Variants in HSPG2 observed in about 807,000 individuals in gnomAD.
The protein encoded by HSPG2 is basement membrane-specific heparan sulfate proteoglycan core protein.
Under a neutral mutation model 526.6 loss-of-function variants are expected in HSPG2, and 278 were observed. The observed-to-expected ratio is 0.53, with a 90% CI of 0.48 to 0.58. The LOEUF is 0.58. Among genes scored for constraint, HSPG2 ranks in the 20% least tolerant of loss-of-function variants. The probability of loss-of-function intolerance (pLI) is 0.00; values close to 1 mark genes in which losing one functional copy is unlikely to be tolerated. For missense variants in HSPG2, 5,354 were observed against 6,099.5 expected (o/e 0.88, Z 4.07); for synonymous variants, 2,465 against 2,555.4 (o/e 0.96, Z 1.07).
At chr1:21,934,846 C>G (rs6672273) in intron 1 of HSPG2, among the ~76,000 whole-genome samples, 72,708 of 151,734 alleles carry the variant, frequency 0.48, 19,916 homozygotes, top group Middle Eastern at 0.69. Flanking sequence ...CCGCTCGCCT[C>G]GGCCTCCCAA....
intron 1 of HSPG2, among the ~76,000 whole-genome samples, chr1:21,911,176 A>G (rs1643651505): frequency 6.6e-6 from 1 of 152,354 alleles, no homozygotes; most frequent in Admixed American, 6.5e-5. Context: ...TGGTAGGATC[A>G]AAGGAACCAA....
Position 21,831,270 on chromosome 1 carries a change from T to C in HSPG2, c.11507A>G (p.Asn3836Ser). The C allele has an allele frequency of 1.9e-6, 3 of 1,613,630 alleles. No homozygotes were observed. The African/African-American group carries it at 4.0e-5, about 22-fold the overall frequency. The change falls in exon 84 of 97, where the codon AAC becomes AGC. Residue 3836 changes from asparagine to serine, a missense_variant. Coordinates refer to ENST00000374695, the MANE Select transcript of HSPG2 (RefSeq NM_005529.7). Reference protein sequence around the residue: ...QGEEIVFHDLNLTAHGISHCP... With the variant: ...QGEEIVFHDLSLTAHGISHCP... The stretch of plus-strand genomic sequence containing the variant: ...GTGGGAGATGCCGTGCGCCGTGAGG[T>C]TGAGGTCATGGAAGACGATCTCCTC...
At chr1:21,861,418 C>A (rs185358741) in intron 39 of HSPG2, among the ~76,000 whole-genome samples, 155 of 151,508 alleles carry the variant, frequency 1.0e-3, no homozygotes, top group African/African-American at 3.6e-3. Context: ...AGCACTGAGG[C>A]AGGAGGACTG....
intron 1 of HSPG2, among the ~76,000 whole-genome samples, chr1:21,928,754 AT>A (rs34997831): frequency 2.2e-4 from 30 of 136,378 alleles, no homozygotes; most frequent in South Asian, 6.9e-4. Context: ...TATTCACTTG[AT>A]TTTTTTTTTT....
intron 65 of HSPG2, 65 bp downstream of exon 65, chr1:21,844,083 C>T (rs961734005): frequency 3.8e-5 from 61 of 1,592,840 alleles, no homozygotes; most frequent in African/African-American, 5.4e-5. Flanking sequence ...TTCCCTTCAA[C>T]GCTGGATTCA....
Position 21,851,819 on chromosome 1 carries a change from A to G in HSPG2, c.6978T>C (p.Thr2326=). The G allele has an allele frequency of 6.2e-7, 1 of 1,613,766 alleles. No individual in the cohort carries two copies. Among genetic ancestry groups the G allele is most frequent in the Non-Finnish European group, 8.5e-7 (1 of 1,180,010 alleles). ...GMEASITVTV[T]GTQGANLAYP... ...AGGCTAAGTTGGCCCCCTGGGTCCC[A>G]GTTACTGTGACCGTGATGGAGGCCT... is the stretch of plus-strand genomic sequence containing the variant. Residue 2326 remains threonine (T), a synonymous_variant, in exon 54 of 97, where the codon ACT becomes ACC. Transcript: ENST00000374695.
Position 21,887,542 on chromosome 1 carries a change from G to C in HSPG2, c.836C>G (p.Ser279Cys), listed in dbSNP as rs543074067. The change falls in exon 8 of 97, where the codon TCC becomes TGC. Residue 279 changes from serine (S) to cysteine (C), a missense_variant. Coordinates refer to ENST00000374695, the MANE Select transcript of HSPG2 (RefSeq NM_005529.7). The surrounding 1 kb of genome is among the most constrained non-coding windows in gnomAD (Gnocchi z 5.0). ...GGGCCCACAGGGCAGGGGCCTGACGGAACCGGGAAGCAGGGGCTGAGGAGC... is the reference window on the plus strand; with the variant it reads ...GGGCCCACAGGGCAGGGGCCTGACGCAACCGGGAAGCAGGGGCTGAGGAGC... ...THAPQPLLPG[S>C]VRPLPCGPQE... The C allele has an allele frequency of 1.4e-4, 218 of 1,614,142 alleles. 2 individuals are homozygous for C. In the South Asian group the frequency reaches 2.3e-3, roughly 17 times the overall value.
Position 21,864,201 on chromosome 1 carries a change from C to G in HSPG2, c.4639G>C (p.Gly1547Arg), listed in dbSNP as rs371145826. The change falls in exon 37 of 97, where the codon GGC (glycine) becomes CGC (arginine). Residue 1547 changes from glycine (G) to arginine (R), a missense_variant. Transcript: ENST00000374695. This position sits in a 1 kb window ranked among gnomAD's most constrained non-coding sequence, Gnocchi z 4.8. ...IGLSCQDCAP[G>R]YTRTGSGLYL... ...AGCCCACTCCCGGTGCGCGTGTAGC[C>G]GGGGGCACAGTCCTAGGGGCAGAGA... The G allele has an allele frequency of 1.7e-5, 26 of 1,551,952 alleles. No individual in the cohort carries two copies. Among genetic ancestry groups the G allele is most frequent in the Non-Finnish European group, 2.2e-5 (25 of 1,147,638 alleles).
Position 21,829,473 on chromosome 1 carries a change from A to G in HSPG2, c.11902T>C (p.Phe3968Leu), listed in dbSNP as rs767364880. The G allele has an allele frequency of 6.2e-7, 1 of 1,613,374 alleles. No homozygotes were observed. The highest frequency in any genetic ancestry group is 8.5e-7 in the Non-Finnish European group (1 of 1,179,856). ...ACAGGCCCGCTCTTCCCCCCGCTGA[A>G]CAGCAGGACCCCGTCAGGGGCGAGT... is the stretch of plus-strand genomic sequence containing the variant. ...KPLAPDGVLL[F>L]SGGKSGPVED... Residue 3968 changes from phenylalanine to leucine, a missense_variant, in exon 87 of 97, where the codon TTC becomes CTC. Phe to Leu is a conservative substitution (Grantham distance 22). Transcript: ENST00000374695.
In HSPG2 at chr1:21,824,672, A is replaced by G. The variant is rs376811049; in HGVS notation, c.12665+32T>C. 9.5e-5 allele frequency: 153 copies of G among 1,612,814 alleles called. No individual in the cohort carries two copies. Among genetic ancestry groups the G allele is most frequent in the Non-Finnish European group, 1.3e-4 (149 of 1,179,248 alleles). ...GTCCCAGATTCCCATCCTCCCCATT[A>G]GGCCCATGGGCCCTTCCAATGCCAG... On this transcript the variant is annotated intron_variant, in intron 92 of 96. Transcript: ENST00000374695. The surrounding 1 kb of genome is among the most constrained non-coding windows in gnomAD (Gnocchi z 5.9).
At chr1:21,933,232 A>AT (rs1175780928) in intron 1 of HSPG2, among the ~76,000 whole-genome samples, 1 of 151,734 alleles carries the variant, frequency 6.6e-6, no homozygotes, top group African/African-American at 2.4e-5. Flanking sequence ...AAAAAAAAAA[A>AT]AGAAAAGAAA....
chr1:21,869,410 T>C (rs1640479651), intron 33 of HSPG2: 89 of 982,204 alleles, frequency 9.1e-5, no homozygotes, highest in Non-Finnish European at 1.0e-4. Flanking sequence ...CAGAAATGAC[T>C]GAAGTCTAGA....
intron 13 of HSPG2, among the ~76,000 whole-genome samples, chr1:21,883,901 A>G (rs1035237494): frequency 6.6e-6 from 1 of 152,186 alleles, no homozygotes; most frequent in African/African-American, 2.4e-5. Flanking sequence ...GCCTGCCTCT[A>G]TCTTTGGGAA....
intron 18 of HSPG2, 23 bp downstream of exon 18, chr1:21,878,971 C>G (rs754945875): frequency 5.0e-5 from 81 of 1,610,378 alleles, no homozygotes; most frequent in African/African-American, 2.1e-4. Context: ...CCAAACCCCC[C>G]CTGACCCGGA....
chr1:21,901,525 G>A (rs1643103212), intron 1 of HSPG2, among the ~76,000 whole-genome samples: 1 of 152,070 alleles, frequency 6.6e-6, no homozygotes, highest in Non-Finnish European at 1.5e-5. Context: ...AAAGTTGTCT[G>A]CCTGCTCAGA....
Position 21,828,839 on chromosome 1 carries a change from C to T in HSPG2, c.12233G>A (p.Gly4078Asp). The change falls in exon 88 of 97, where the codon GGC (glycine) becomes GAC (aspartate). Residue 4078 changes from glycine (G) to aspartate (D), a missense_variant. Physicochemically the swap from Gly to Asp is moderately conservative, Grantham distance 94 (BLOSUM62 -1). Coordinates refer to ENST00000374695, the MANE Select transcript of HSPG2 (RefSeq NM_005529.7). The surrounding 1 kb of genome is among the most constrained non-coding windows in gnomAD (Gnocchi z 6.0). Reference protein sequence around the residue: ...NMSAHFRGCVGEVSVNGKRLD... With the variant: ...NMSAHFRGCVDEVSVNGKRLD... The stretch of plus-strand genomic sequence containing the variant: ...TCCCGAGGAGGCTGCTCTTACCTCG[C>T]CCACACAGCCGCGGAAGTGAGCGCT... 1 of 1,550,820 alleles carries T rather than the reference C, an allele frequency of 6.4e-7. No homozygotes were observed. Among genetic ancestry groups the T allele is most frequent in the Non-Finnish European group, 8.7e-7 (1 of 1,147,004 alleles).
chr1:21,879,207 G>C, intron 17 of HSPG2, 86 bp from the exon 18 acceptor site: 1 of 1,533,446 alleles, frequency 6.5e-7, no homozygotes, highest in South Asian at 1.1e-5. Context: ...GTCTAGCTCA[G>C]CCTCCCCATC....
rs544483372 is a variant in HSPG2 at position 21,873,981 on chromosome 1, G to A, written c.3687C>T (p.Asp1229=). The A allele has an allele frequency of 1.2e-5, 20 of 1,606,670 alleles. No individual in the cohort carries two copies. Among genetic ancestry groups the A allele is most frequent in the East Asian group, 4.5e-5 (2 of 44,724 alleles). ...AGCACGCATCACAGGTGGGGTGGCC[G>A]TCTGTGTCCAGAAAACAAGTGTGGG... ...QAAHTCFLDT[D]GHPTCDACSP... Residue 1229 remains aspartate, a synonymous_variant, in exon 29 of 97, where the codon GAC becomes GAT. Transcript: ENST00000374695.
chr1:21,843,502 G>C, intron 65 of HSPG2, 64 bp from the exon 66 acceptor site: 3 of 1,543,048 alleles, frequency 1.9e-6, no homozygotes, highest in Non-Finnish European at 2.6e-6. Flanking sequence ...CAGGCCTCTG[G>C]TACCCACACC....
Sources: gnomAD v4.1 joint callset for allele counts (sites outside exome capture counted in the v4.1 genomes callset) on GRCh38, gnomAD v4.1.1 for gene constraint, Gnocchi (gnomAD v3.1) non-coding constraint, MANE v1.5 for transcripts, NCBI Gene and HGNC (gene_info 2026-07-23, HGNC 2026-07-21) for gene names.